CHP1: variants seen among roughly 807,000 people sequenced by gnomAD.
CHP1 encodes the protein calcineurin B homologous protein 1.
In CHP1, 11 loss-of-function variants were observed where a neutral mutation model predicts 27.4. The ratio of observed to expected loss-of-function variants is 0.40; its 90% CI spans 0.25 to 0.67. The LOEUF (loss-of-function observed/expected upper bound fraction) is 0.67, where lower values mean the gene tolerates loss of function less well. Among genes scored for constraint, CHP1 ranks in the 30% least tolerant of loss-of-function variants. The pLI, the probability that CHP1 is intolerant of heterozygous loss-of-function variation, is 0.38. For synonymous variants in CHP1, 89 were observed against 87.4 expected, an observed-to-expected ratio of 1.02 and a Z score of -0.10; for missense variants, 169 against 251.3, an observed-to-expected ratio of 0.67 and a Z score of 2.22.
chr15:41,231,489 G>T (rs1356175117), intron 1 of CHP1, 40 bp downstream of exon 1: 3 of 1,570,800 alleles, frequency 1.9e-6, no homozygotes, highest in Middle Eastern at 1.7e-4. Context: ...GGCGCCTCAG[G>T]CTGGCCTCAC....
intron 1 of CHP1, among the ~76,000 whole-genome samples, chr15:41,231,967 A>G (rs770615997): frequency 5.3e-5 from 8 of 152,134 alleles, no homozygotes; most frequent in Non-Finnish European, 1.2e-4. Context: ...TTTGGGAGAC[A>G]TGACCCGATG....
intron 5 of CHP1, among the ~76,000 whole-genome samples, chr15:41,276,822 C>T (rs761086003): frequency 6.6e-6 from 1 of 152,172 alleles, no homozygotes; most frequent in Non-Finnish European, 1.5e-5. Context: ...ACTAGTTAGG[C>T]TCACGCAACA....
At chr15:41,259,263 A>G (rs1331542367) in intron 3 of CHP1, among the ~76,000 whole-genome samples, 2 of 152,162 alleles carry the variant, frequency 1.3e-5, no homozygotes, top group Admixed American at 1.3e-4. Context: ...CTTAGTCACC[A>G]TTGATTACTT....
intron 2 of CHP1, among the ~76,000 whole-genome samples, chr15:41,253,127 C>T (rs902393984): frequency 9.3e-5 from 14 of 151,280 alleles, no homozygotes; most frequent in Admixed American, 5.9e-4. Context: ...TTAGTAGAGA[C>T]GGGGTTTCAC....
In CHP1 at chr15:41,269,253, GA is replaced by G. The variant is rs59068519; in HGVS notation, c.350-1295del. 5.0e-3 allele frequency among the ~76,000 whole-genome samples: 752 copies of G among 150,564 alleles called. 10 individuals carry two copies. The highest frequency in any genetic ancestry group is 0.017 in the African/African-American group (709 of 41,138). ...TAAACCAACCAAATTAAACAGAGCA[GA>G]AAAAAAAATACATATATATGAAGTC... On this transcript the variant is annotated intron_variant, in intron 4 of 6. Transcript: ENST00000334660.
intron 5 of CHP1, chr15:41,272,155 TTATTTATTTA>T (rs2047492821): frequency 6.6e-6 from 1 of 152,026 alleles, no homozygotes; most frequent in African/African-American, 2.4e-5. Flanking sequence ...TTTTATTTAT[TTATTTATTTA>T]TTTTGTATTT....
At chr15:41,276,553 TCCCAGGGG>T (rs1052385706) in intron 5 of CHP1, among the ~76,000 whole-genome samples, 1 of 152,164 alleles carries the variant, frequency 6.6e-6, no homozygotes, top group Admixed American at 6.6e-5. Context: ...TTAATAGAAT[TCCCAGGGG>T]CCCAAGGATT....
At chr15:41,275,623 A>G (rs966305801) in intron 5 of CHP1, among the ~76,000 whole-genome samples, 1 of 152,104 alleles carries the variant, frequency 6.6e-6, no homozygotes, top group Non-Finnish European at 1.5e-5. Context: ...TGCAGCAACT[A>G]TTCACAGGCA....
chr15:41,234,380 A>G (rs1274895623), intron 1 of CHP1: 1 of 152,226 alleles, frequency 6.6e-6, no homozygotes, highest in African/African-American at 2.4e-5. Flanking sequence ...TCTTCTATGA[A>G]GAATTTGGAA....
intron 2 of CHP1, 132 bp from the exon 3 acceptor site, chr15:41,256,778 G>A: frequency 1.4e-6 from 1 of 723,932 alleles, no homozygotes; most frequent in Non-Finnish European, 2.5e-6. Context: ...GCAGTTATTT[G>A]GTATAATTTG....
intron 1 of CHP1, among the ~76,000 whole-genome samples, chr15:41,236,770 T>C (rs2047278957): frequency 6.6e-6 from 1 of 152,160 alleles, no homozygotes; most frequent in Non-Finnish European, 1.5e-5. Flanking sequence ...TTGGGATGGT[T>C]TTTACGTAAC....
Position 41,239,837 on chromosome 15 carries a change from C to T in CHP1, c.68-3830C>T, listed in dbSNP as rs1009424106. 1.4e-3 allele frequency among the ~76,000 whole-genome samples: 205 copies of T among 151,540 alleles called. 1 individual carries two copies. Among genetic ancestry groups the T allele is most frequent in the African/African-American group, 4.8e-3 (197 of 41,348 alleles). On this transcript the variant is annotated intron_variant, in intron 1 of 6. Transcript: ENST00000334660. Reference sequence around the variant, plus strand: ...TGTCACCCAGGCTGGAGTGCAGTGGCGCAATCTCAGCTCACTGCAAGCTCC... The same window carrying T: ...TGTCACCCAGGCTGGAGTGCAGTGGTGCAATCTCAGCTCACTGCAAGCTCC...
At chr15:41,258,638 A>G (rs570925275) in intron 3 of CHP1, among the ~76,000 whole-genome samples, 2 of 152,320 alleles carry the variant, frequency 1.3e-5, no homozygotes, top group South Asian at 2.1e-4. Flanking sequence ...GTCTTTTGAT[A>G]TGCTTTACTA....
At chr15:41,243,971 G>A (rs149168822) in intron 2 of CHP1, among the ~76,000 whole-genome samples, 174 of 152,232 alleles carry the variant, frequency 1.1e-3, no homozygotes, top group African/African-American at 3.7e-3. Flanking sequence ...AGGTCAAGGC[G>A]GGCGGATCAT....
chr15:41,279,013 C>T, intron 6 of CHP1, 124 bp downstream of exon 6: 2 of 1,209,458 alleles, frequency 1.7e-6, no homozygotes, highest in African/African-American at 1.5e-5. Context: ...GAGTTCAAGA[C>T]CAGCCTGGCT....
intron 1 of CHP1, among the ~76,000 whole-genome samples, chr15:41,242,138 G>T (rs749422857): frequency 5.3e-5 from 8 of 152,140 alleles, no homozygotes; most frequent in Admixed American, 1.3e-4. Context: ...TCTGGTAGAT[G>T]TCATCTGATG....
intron 1 of CHP1, among the ~76,000 whole-genome samples, chr15:41,239,190 G>T (rs891450208): frequency 6.6e-6 from 1 of 151,934 alleles, no homozygotes; most frequent in Non-Finnish European, 1.5e-5. Flanking sequence ...ATATCGTTAT[G>T]GTTCTAAAAT....
chr15:41,264,058 T>C (rs2047447160), intron 4 of CHP1: 4 of 516,164 alleles, frequency 7.7e-6, no homozygotes, highest in South Asian at 5.2e-5. Flanking sequence ...GGGATTTTTC[T>C]CTTTACTCTG....
intron 4 of CHP1, among the ~76,000 whole-genome samples, chr15:41,264,595 A>G (rs1414481726): frequency 6.6e-6 from 1 of 151,918 alleles, no homozygotes; most frequent in East Asian, 1.9e-4. Context: ...TGTGCACTAC[A>G]CCCAGCTAAT....
Sources: gnomAD v4.1 joint callset for allele counts (sites outside exome capture counted in the v4.1 genomes callset) on GRCh38, gnomAD v4.1.1 for gene constraint, MANE v1.5 for transcripts, NCBI Gene and HGNC (gene_info 2026-07-23, HGNC 2026-07-21) for gene names.